The following SLCO2B1 variants were observed in gnomAD, a reference collection of about 807,000 sequenced individuals.
SLCO2B1 encodes solute carrier organic anion transporter family member 2B1.
Under a neutral mutation model 67.3 loss-of-function variants are expected in SLCO2B1, and 41 were observed. The ratio of observed to expected loss-of-function variants is 0.61; its 90% confidence interval spans 0.47 to 0.79. The LOEUF is 0.79. Ranked by LOEUF, SLCO2B1 falls within the 30% of genes least tolerant of loss-of-function variation. The pLI, the probability that SLCO2B1 is intolerant of heterozygous loss-of-function variation, is 0.00. For synonymous variants in SLCO2B1, 379 were observed against 381.4 expected (o/e 0.99, Z 0.07); for missense variants, 837 against 920.1 (o/e 0.91, Z 1.17).
intron 10 of SLCO2B1, chr11:75,199,489 T>C (rs1011982221): frequency 6.6e-6 from 1 of 152,368 alleles, no homozygotes; most frequent in Non-Finnish European, 1.5e-5. Context: ...TACCCCTTGC[T>C]TAAAATTTTC....
chr11:75,201,475 T>C (rs1375060165), intron 11 of SLCO2B1: 1 of 152,168 alleles, frequency 6.6e-6, no homozygotes, highest in African/African-American at 2.4e-5. Flanking sequence ...TGACACAATC[T>C]ACCTGGAGAC....
At chr11:75,166,079 T>TA (rs1555138141) in intron 4 of SLCO2B1, 130 bp downstream of exon 4, 40 of 1,130,966 alleles carry the variant, frequency 3.5e-5, no homozygotes, top group Non-Finnish European at 4.9e-5. Context: ...CAGCTGCTAG[T>TA]CCCCCCCCAA....
chr11:75,167,017 C>G (rs538329086), intron 4 of SLCO2B1, among the ~76,000 whole-genome samples: 3 of 152,174 alleles, frequency 2.0e-5, no homozygotes, highest in African/African-American at 4.8e-5. Context: ...GGCGTGAGCA[C>G]GGGCAACTCT....
intron 8 of SLCO2B1, among the ~76,000 whole-genome samples, chr11:75,189,962 G>GAA (rs561790970): frequency 0.072 from 8,151 of 112,974 alleles, 645 homozygotes; most frequent in African/African-American, 0.2. Flanking sequence ...ACCCTGTCTG[G>GAA]AAAAAAAAAA....
chr11:75,190,280 C>A (rs1944998296), intron 8 of SLCO2B1, among the ~76,000 whole-genome samples: 1 of 152,242 alleles, frequency 6.6e-6, no homozygotes, highest in South Asian at 2.1e-4. Flanking sequence ...GGAATCAGGG[C>A]AGGGGTGCCC....
rs559513716 is a variant in SLCO2B1 at position 75,200,178 on chromosome 11, T to C, written c.1600-46T>C. On this transcript the variant is annotated intron_variant, in intron 10 of 13. Transcript: ENST00000289575. The stretch of plus-strand genomic sequence containing the variant: ...CGCTGCAAGCCCTTGGCCAGCTGCC[T>C]GCCCTTGGAGGCTCTTGAAGTCTCT... 161 of 1,560,392 alleles carry C rather than the reference T, an allele frequency of 1.0e-4. 3 individuals carry two copies. The South Asian group carries it at 1.8e-3, about 17-fold the overall frequency.
intron 8 of SLCO2B1, among the ~76,000 whole-genome samples, chr11:75,190,823 T>C (rs929935041): frequency 3.9e-5 from 6 of 152,248 alleles, no homozygotes; most frequent in African/African-American, 1.4e-4. Context: ...ACAGAGTCAC[T>C]GACTTGAGGG....
intron 10 of SLCO2B1, among the ~76,000 whole-genome samples, chr11:75,197,201 G>T (rs1270362647): frequency 6.6e-6 from 1 of 152,190 alleles, no homozygotes; most frequent in South Asian, 2.1e-4. Context: ...TCTGTGCAGG[G>T]GAGATGCAAA....
intron 7 of SLCO2B1, among the ~76,000 whole-genome samples, chr11:75,174,017 G>T (rs1228850644): frequency 6.6e-6 from 1 of 151,872 alleles, no homozygotes; most frequent in Non-Finnish European, 1.5e-5. Flanking sequence ...GGCCAGGCTG[G>T]TCTCGAACCC....
At chr11:75,186,495 C>T (rs535515824) in intron 7 of SLCO2B1, among the ~76,000 whole-genome samples, 1 of 151,878 alleles carries the variant, frequency 6.6e-6, no homozygotes, top group African/African-American at 2.4e-5. Context: ...AGGTGTGAGC[C>T]GCCACGCCCG....
At chr11:75,181,668 C>CA (rs1466817116) in intron 7 of SLCO2B1, among the ~76,000 whole-genome samples, 4 of 152,152 alleles carry the variant, frequency 2.6e-5, no homozygotes, top group African/African-American at 9.7e-5. Context: ...CCTGGGGGCC[C>CA]AGCAGACAGG....
chr11:75,162,877 A>C, intron 2 of SLCO2B1, 92 bp downstream of exon 2: 1 of 1,430,002 alleles, frequency 7.0e-7, no homozygotes, highest in Non-Finnish European at 9.5e-7. Flanking sequence ...ACTTTCTCTG[A>C]GCCTCGGTTT....
intron 8 of SLCO2B1, among the ~76,000 whole-genome samples, chr11:75,192,619 C>A (rs1020949433): frequency 2.6e-5 from 4 of 151,582 alleles, no homozygotes; most frequent in South Asian, 2.1e-4. Context: ...ATGGGATGGA[C>A]GAAATTGAAT....
chr11:75,153,274 CCTT>C (rs1309188007), intron 1 of SLCO2B1, among the ~76,000 whole-genome samples: 1 of 152,182 alleles, frequency 6.6e-6, no homozygotes, highest in African/African-American at 2.4e-5. Context: ...GTTCATCCCT[CCTT>C]GTTTCCGGTG....
Position 75,193,105 on chromosome 11 carries a change from A to G in SLCO2B1, c.1076-113A>G. On this transcript the variant is annotated intron_variant, in intron 8 of 13. Transcript: ENST00000289575. This position sits in a 1 kb window ranked among gnomAD's most constrained non-coding sequence, Gnocchi z 4.2. ...ATTGATTGCAATAGAATTAAGTGGAATGGGGCGGGTTAGAAGAAATGGAAC... is the reference window on the plus strand; with the variant it reads ...ATTGATTGCAATAGAATTAAGTGGAGTGGGGCGGGTTAGAAGAAATGGAAC... 1 of 723,212 alleles carries G rather than the reference A, an allele frequency of 1.4e-6. No individual in the cohort carries two copies. Among genetic ancestry groups the G allele is most frequent in the South Asian group, 1.9e-5 (1 of 52,366 alleles). 44.8% of individuals were successfully genotyped at this position (723,212 alleles called of 1,614,324 possible).
chr11:75,204,042 G>C (rs1046517576), intron 13 of SLCO2B1: 2 of 173,420 alleles, frequency 1.2e-5, no homozygotes, highest in African/African-American at 4.7e-5. Flanking sequence ...AAAAGGAAAA[G>C]TCAAACAAGG....
At chr11:75,202,530 T>A (rs774858455) in intron 11 of SLCO2B1, 1 of 231,108 alleles carries the variant, frequency 4.3e-6, no homozygotes, top group East Asian at 8.6e-5. Context: ...GGCGTTACAG[T>A]GGTTGGGGAT....
intron 7 of SLCO2B1, among the ~76,000 whole-genome samples, chr11:75,180,223 G>A (rs1950077696): frequency 6.6e-6 from 1 of 152,104 alleles, no homozygotes; most frequent in African/African-American, 2.4e-5. Flanking sequence ...CGCCATGTTG[G>A]CCAGGCTGGC....
rs1359288628 is a variant in SLCO2B1 at position 75,204,892 on chromosome 11, C to G, written c.*312C>G. 3 of 197,744 alleles carry G rather than the reference C, an allele frequency of 1.5e-5. No homozygotes were observed. The highest frequency in any genetic ancestry group is 4.6e-5 in the African/African-American group (2 of 43,094). The allele number at this position is 197,744 out of a possible 1,614,324, so 12.2% of individuals were successfully genotyped here. A position where few individuals can be genotyped will look rare whatever the true frequency, so the allele number is the denominator to read the frequency against. ...AAAGAAGTATACCTTTCCCTGGGGC[C>G]CTAGGATAGCAAAGTGAGCCATAGT... On this transcript the variant is annotated 3_prime_UTR_variant, in exon 14 of 14. Transcript: ENST00000289575.
Sources: allele counts gnomAD v4.1 joint callset (sites outside exome capture counted in the v4.1 genomes callset), GRCh38; gene constraint gnomAD v4.1.1; non-coding constraint Gnocchi (gnomAD v3.1); transcripts MANE v1.5; gene names NCBI Gene and HGNC (gene_info 2026-07-23, HGNC 2026-07-21).